The following PRIM2 variants were observed in gnomAD, a reference collection of about 807,000 sequenced individuals.
The protein encoded by PRIM2 is DNA primase large subunit.
PRIM2 carries 39 observed loss-of-function variants against 67.3 expected under a neutral mutation model. That is an observed-to-expected ratio of 0.58 (90% confidence interval 0.45 to 0.76). The LOEUF (loss-of-function observed/expected upper bound fraction) is 0.76. Among genes scored for constraint, PRIM2 ranks in the 30% least tolerant of loss-of-function variants. The probability of loss-of-function intolerance (pLI) is 0.00; values close to 1 mark genes in which losing one functional copy is unlikely to be tolerated. For missense variants in PRIM2, 398 were observed against 598.7 expected (o/e 0.66, Z 3.50); for synonymous variants, 143 against 198.7 (o/e 0.72, Z 2.36).
At chr6:57,635,714 A>C in intron 13 of PRIM2, among the ~76,000 whole-genome samples, 1 of 152,302 alleles carries the variant, frequency 6.6e-6, no homozygotes, top group African/African-American at 2.4e-5. Context: ...GCCCTTTTAT[A>C]ATAACTCAGG....
In PRIM2 at chr6:57,343,929, G is replaced by T. The variant is rs9475857; in HGVS notation, c.459+17884G>T. On this transcript the variant is annotated intron_variant, in intron 5 of 13. Coordinates refer to ENST00000615550, the MANE Select transcript of PRIM2 (RefSeq NM_000947.5). ...GTGGATGGAAAATTATTAAGAGGTA[G>T]TAAAGTGACCTAGGGAATTTTGCTG... Among the ~76,000 whole-genome samples, 574 of 152,190 alleles carry T rather than the reference G, an allele frequency of 3.8e-3. 7 individuals are homozygous for T. The highest frequency in any genetic ancestry group is 0.013 in the African/African-American group (550 of 41,542).
intron 5 of PRIM2, among the ~76,000 whole-genome samples, chr6:57,370,281 T>C (rs1280048311): frequency 5.3e-5 from 8 of 152,208 alleles, no homozygotes; most frequent in African/African-American, 1.9e-4. Flanking sequence ...TAGGAGAACC[T>C]AAATAAATGA....
intron 7 of PRIM2, among the ~76,000 whole-genome samples, chr6:57,399,848 A>G (rs1292189164): frequency 3.3e-5 from 5 of 152,102 alleles, no homozygotes; most frequent in Non-Finnish European, 7.4e-5. Flanking sequence ...TCTTTTGAGA[A>G]GTGTCTGTTC....
rs948053471 is a variant in PRIM2 at position 57,320,694 on chromosome 6, A to C, written c.258+134A>C. 3 of 586,796 alleles carry C rather than the reference A, an allele frequency of 5.1e-6. No homozygotes were observed. In the African/African-American group the frequency reaches 5.6e-5, roughly 11 times the overall value. 36.3% of individuals were successfully genotyped at this position (586,796 alleles called of 1,614,324 possible). A position where few individuals can be genotyped will look rare whatever the true frequency, so the allele number is the denominator to read the frequency against. ...TGTATCATTAGCCTGAAGGTTCTTC[A>C]GTGTATTAGGGGTGATTGACATGAA... On this transcript the variant is annotated intron_variant, in intron 3 of 13. Coordinates refer to ENST00000615550, the MANE Select transcript of PRIM2 (RefSeq NM_000947.5).
chr6:57,297,107 T>A, the PRIM2 span, among the ~76,000 whole-genome samples: 1 of 152,186 alleles, frequency 6.6e-6, no homozygotes, highest in Non-Finnish European at 1.5e-5. Context: ...CTCTTTTTTT[T>A]AACAGTAGAA....
intron 10 of PRIM2, among the ~76,000 whole-genome samples, chr6:57,576,120 CTGTTGTTGGGAAAACATGTTCCCAACA>C (rs1387021570): frequency 2.0e-5 from 3 of 151,946 alleles, no homozygotes; most frequent in African/African-American, 7.3e-5. Flanking sequence ...TTTTTCCCAA[CTGTTGTTGGGAAAACATGTTCCCAACA>C]TGTTGGGAAG....
intron 10 of PRIM2, among the ~76,000 whole-genome samples, chr6:57,590,253 A>G (rs1370155917): frequency 6.6e-6 from 1 of 152,210 alleles, no homozygotes; most frequent in Non-Finnish European, 1.5e-5. Context: ...GTGCTTAGAG[A>G]TTGGTTATTG....
intron 5 of PRIM2, among the ~76,000 whole-genome samples, chr6:57,338,376 G>T (rs938403454): frequency 8.5e-5 from 13 of 152,070 alleles, no homozygotes; most frequent in Non-Finnish European, 1.8e-4. Flanking sequence ...GCATCATCCT[G>T]ATACCAAAGC....
intron 13 of PRIM2, among the ~76,000 whole-genome samples, chr6:57,633,291 A>G (rs1339561604): frequency 3.3e-5 from 5 of 152,156 alleles, no homozygotes; most frequent in Non-Finnish European, 7.4e-5. Context: ...AGATCTTTGT[A>G]CTTCTTGAAA....
the PRIM2 span, among the ~76,000 whole-genome samples, chr6:57,265,606 A>G: frequency 1.3e-5 from 2 of 152,188 alleles, no homozygotes; most frequent in Non-Finnish European, 2.9e-5. Flanking sequence ...GCATTTAGTG[A>G]TTTGATTTGT....
intron 10 of PRIM2, among the ~76,000 whole-genome samples, chr6:57,573,629 C>G (rs1292940330): frequency 6.6e-6 from 1 of 151,814 alleles, no homozygotes; most frequent in African/African-American, 2.4e-5. Flanking sequence ...ATTATATATA[C>G]GTGTGTGTGT....
At chr6:57,417,756 C>T (rs1262664608) in intron 7 of PRIM2, among the ~76,000 whole-genome samples, 12 of 152,240 alleles carry the variant, frequency 7.9e-5, no homozygotes, top group Admixed American at 3.3e-4. Flanking sequence ...CAAAATGTGA[C>T]GCAGAAACAC....
chr6:57,412,912 A>G (rs1771138444), intron 7 of PRIM2, among the ~76,000 whole-genome samples: 1 of 152,240 alleles, frequency 6.6e-6, no homozygotes, highest in African/African-American at 2.4e-5. Flanking sequence ...TGGGAAATGG[A>G]TAGAGTGATA....
chr6:57,522,679 A>G (rs1475085783), intron 8 of PRIM2, among the ~76,000 whole-genome samples: 1 of 152,164 alleles, frequency 6.6e-6, no homozygotes, highest in Non-Finnish European at 1.5e-5. Flanking sequence ...TGTAATCACT[A>G]TGAAAAATTG....
chr6:57,518,560 A>G (rs1774537099), intron 8 of PRIM2, among the ~76,000 whole-genome samples: 1 of 152,182 alleles, frequency 6.6e-6, no homozygotes, highest in Non-Finnish European at 1.5e-5. Context: ...ATGAATGAAT[A>G]AATGAATGAA....
At chr6:57,271,414 G>T in the PRIM2 span, among the ~76,000 whole-genome samples, 1 of 152,110 alleles carries the variant, frequency 6.6e-6, no homozygotes, top group Admixed American at 6.5e-5. Context: ...GTTTATTTGC[G>T]TAGAGGTGTT....
At chr6:57,252,894 T>C in the PRIM2 span, among the ~76,000 whole-genome samples, 1 of 152,210 alleles carries the variant, frequency 6.6e-6, no homozygotes, top group African/African-American at 2.4e-5. Context: ...CACTGTGGGT[T>C]GTATTGATCA....
Position 57,327,763 on chromosome 6 carries a change from G to A in PRIM2, c.459+1718G>A, listed in dbSNP as rs1327402541. Among the ~76,000 whole-genome samples the A allele has an allele frequency of 2.0e-5, 3 of 152,180 alleles. No individual in the cohort carries two copies. The South Asian group carries it at 6.2e-4, about 31-fold the overall frequency. ...TTACTGATTTTTAGTAGGTCATAGA[G>A]AGAGGTGTCCTTGAGAAGGTCTATT... On this transcript the variant is annotated intron_variant, in intron 5 of 13. Transcript: ENST00000615550.
Position 57,371,521 on chromosome 6 carries a change from A to C in PRIM2, c.460-8380A>C, listed in dbSNP as rs1769557137. On this transcript the variant is annotated intron_variant, in intron 5 of 13. Transcript: ENST00000615550. ...ATGACAGGTTAACACATTTGGCTTC[A>C]ATTTCAGTTTTGCCAGATCTAGGCA... Among the ~76,000 whole-genome samples, 3 of 152,216 alleles carry C rather than the reference A, an allele frequency of 2.0e-5. No individual in the cohort carries two copies. In the South Asian group the frequency reaches 6.2e-4, roughly 32 times the overall value.
Sources: gnomAD v4.1 joint callset for allele counts (sites outside exome capture counted in the v4.1 genomes callset) on GRCh38, gnomAD v4.1.1 for gene constraint, MANE v1.5 for transcripts, NCBI Gene and HGNC (gene_info 2026-07-23, HGNC 2026-07-21) for gene names.